SHROOM3: variants seen among roughly 807,000 people sequenced by gnomAD.
The protein encoded by SHROOM3 is protein Shroom3.
A neutral mutation model predicts 138.6 loss-of-function variants in SHROOM3; 47 were observed. The ratio of observed to expected loss-of-function variants is 0.34; its 90% CI spans 0.27 to 0.43. The LOEUF (loss-of-function observed/expected upper bound fraction) is 0.43. Among genes scored for constraint, SHROOM3 ranks in the 20% least tolerant of loss-of-function variants. The probability of loss-of-function intolerance (pLI) is 1.00; values close to 1 mark genes in which losing one functional copy is unlikely to be tolerated. For missense variants in SHROOM3, 2,491 were observed against 2,596.5 expected, an observed-to-expected ratio of 0.96 and a Z score of 0.88; for synonymous variants, 1,062 against 1,063.3, an observed-to-expected ratio of 1.00 and a Z score of 0.02.
At chr4:76,662,905 G>GAGGGAGAGGGAGAGGA (rs1718576533) in intron 2 of SHROOM3, among the ~76,000 whole-genome samples, 1 of 151,810 alleles carries the variant, frequency 6.6e-6, no homozygotes, top group Non-Finnish European at 1.5e-5. Flanking sequence ...GAGAGAGGTA[G>GAGGGAGAGGGAGAGGA]AGGGAGAGGG....
intron 5 of SHROOM3, 170 bp downstream of exon 5, chr4:76,742,096 C>T: frequency 1.2e-6 from 1 of 860,562 alleles, no homozygotes; most frequent in South Asian, 1.4e-5. Context: ...GTGTCCCTTA[C>T]CTGGTTTCCT....
At chr4:76,751,764 T>C (rs926907832) in intron 6 of SHROOM3, among the ~76,000 whole-genome samples, 23 of 152,154 alleles carry the variant, frequency 1.5e-4, no homozygotes, top group Non-Finnish European at 2.4e-4. Context: ...ATGAGATGTT[T>C]ACCTCACACA....
chr4:76,525,552 T>C (rs1732671718), intron 1 of SHROOM3, among the ~76,000 whole-genome samples: 1 of 152,230 alleles, frequency 6.6e-6, no homozygotes. Flanking sequence ...TTAACATGCA[T>C]TGCCCTAATG....
At chr4:76,646,384 C>T (rs1392506036) in intron 2 of SHROOM3, among the ~76,000 whole-genome samples, 1 of 151,612 alleles carries the variant, frequency 6.6e-6, no homozygotes, top group Admixed American at 6.6e-5. Context: ...TATACTTTAC[C>T]ACCTTCCAAT....
chr4:76,753,531 C>T (rs1300695747), intron 6 of SHROOM3, among the ~76,000 whole-genome samples: 1 of 152,224 alleles, frequency 6.6e-6, no homozygotes, highest in African/African-American at 2.4e-5. Flanking sequence ...AGCTTTTTAT[C>T]CTCACATTAA....
rs577240921 is a variant in SHROOM3, at chr4:76,774,616, G to A, written c.5622+3718G>A. On this transcript the variant is annotated intron_variant, in intron 10 of 10. Coordinates refer to ENST00000296043, the MANE Select transcript of SHROOM3 (RefSeq NM_020859.4). ...AATATTTTATATATTTTTTAAGGTA[G>A]GTGATGAAAAAATTCTCAATTTTTT... Among the ~76,000 whole-genome samples the A allele has an allele frequency of 8.7e-4, 131 of 151,440 alleles. 1 individual carries two copies. The highest frequency in any genetic ancestry group is 3.0e-3 in the African/African-American group (125 of 41,334).
At chr4:76,485,280 T>A (rs965957912) in intron 1 of SHROOM3, among the ~76,000 whole-genome samples, 4 of 152,174 alleles carry the variant, frequency 2.6e-5, no homozygotes, top group Non-Finnish European at 5.9e-5. Flanking sequence ...TTGGCTAAAG[T>A]TGATAAGAAG....
Position 76,555,779 on chromosome 4 carries a change from C to A in SHROOM3, c.323+16C>A. The A allele has an allele frequency of 6.2e-7, 1 of 1,609,666 alleles. No individual in the cohort carries two copies. Reference sequence around the variant, plus strand: ...TAGTGCGCAGGTAGGTGGCAGACCCCCACCCTGTCCCTCCTACCACCTCAC... The same window carrying A: ...TAGTGCGCAGGTAGGTGGCAGACCCACACCCTGTCCCTCCTACCACCTCAC... On this transcript the variant is annotated intron_variant, in intron 2 of 10. Coordinates refer to ENST00000296043, the MANE Select transcript of SHROOM3 (RefSeq NM_020859.4).
chr4:76,728,439 T>G (rs942703674), intron 3 of SHROOM3, among the ~76,000 whole-genome samples: 2 of 152,220 alleles, frequency 1.3e-5, no homozygotes, highest in Admixed American at 1.3e-4. Flanking sequence ...AAGATGTGAC[T>G]TGCTGCTCCT....
At chr4:76,627,099 G>A (rs777264049) in intron 2 of SHROOM3, among the ~76,000 whole-genome samples, 2 of 152,122 alleles carry the variant, frequency 1.3e-5, no homozygotes, top group Non-Finnish European at 2.9e-5. Context: ...TATATAGATC[G>A]TGTGTGGCTA....
At chr4:76,505,629 A>G (rs1732193664) in intron 1 of SHROOM3, among the ~76,000 whole-genome samples, 1 of 151,750 alleles carries the variant, frequency 6.6e-6, no homozygotes, top group African/African-American at 2.4e-5. Context: ...ACAACTATTT[A>G]CAAGCATTTA....
At chr4:76,457,284 G>A (rs1420535688) in intron 1 of SHROOM3, among the ~76,000 whole-genome samples, 3 of 152,082 alleles carry the variant, frequency 2.0e-5, no homozygotes, top group Non-Finnish European at 2.9e-5. Flanking sequence ...TAGCGAGTGA[G>A]TGAGCTCTCG....
At position 76,663,231 on chromosome 4, in the gene SHROOM3, C is replaced by G. The variant is rs572536024; in HGVS notation, c.324-46925C>G. Among the ~76,000 whole-genome samples the G allele has an allele frequency of 5.2e-4, 79 of 151,990 alleles. 2 individuals are homozygous for G. The highest frequency in any genetic ancestry group is 7.6e-4 in the Non-Finnish European group (52 of 68,016). On this transcript the variant is annotated intron_variant, in intron 2 of 10. Coordinates refer to ENST00000296043, the MANE Select transcript of SHROOM3 (RefSeq NM_020859.4). ...TTATACTTTGTCAGCTTGAAACCAACTGGGTAGGGAAGGAGCCATTGGGTC... is the reference window on the plus strand; with the variant it reads ...TTATACTTTGTCAGCTTGAAACCAAGTGGGTAGGGAAGGAGCCATTGGGTC...
intron 1 of SHROOM3, among the ~76,000 whole-genome samples, chr4:76,470,062 C>T (rs1299826837): frequency 1.3e-5 from 2 of 152,110 alleles, no homozygotes; most frequent in East Asian, 1.9e-4. Flanking sequence ...TTAATATATG[C>T]CCAAGCTTAA....
intron 2 of SHROOM3, among the ~76,000 whole-genome samples, chr4:76,650,519 ATATTTATTTATT>A (rs3045185): frequency 0.23 from 33,367 of 145,410 alleles, 4,136 homozygotes; most frequent in East Asian, 0.35. Flanking sequence ...TTTTTTAAGT[ATATTTATTTATT>A]TATTTATTTA....
In SHROOM3 at chr4:76,462,331, T is replaced by C. The variant is rs6855097; in HGVS notation, c.168+26111T>C. ...AGGTTGGAGTGAGCTGAGATCATGC[T>C]GCTGCACTCTAGCCTGGGTGACAGA... On this transcript the variant is annotated intron_variant, in intron 1 of 10. Transcript: ENST00000296043. Among the ~76,000 whole-genome samples, 351 of 152,034 alleles carry C rather than the reference T, an allele frequency of 2.3e-3. 5 individuals carry two copies. The East Asian group carries it at 0.041, about 18-fold the overall frequency.
chr4:76,644,255 C>CTT (rs757146332), intron 2 of SHROOM3: 1,427 of 139,252 alleles, frequency 0.01, 19 homozygotes, highest in African/African-American at 0.036. Context: ...TTTTCTTTTT[C>CTT]TTTTTTTTTT....
chr4:76,684,974 T>C (rs1407077741), intron 2 of SHROOM3, among the ~76,000 whole-genome samples: 1 of 152,206 alleles, frequency 6.6e-6, no homozygotes, highest in Non-Finnish European at 1.5e-5. Flanking sequence ...TGTTCACTTG[T>C]TTTTCATTTT....
intron 1 of SHROOM3, among the ~76,000 whole-genome samples, chr4:76,520,989 C>T (rs777580730): frequency 3.9e-5 from 6 of 152,154 alleles, no homozygotes; most frequent in Non-Finnish European, 7.3e-5. Flanking sequence ...GTTGTGGTAA[C>T]GAGGGAATAC....
Sources: allele counts gnomAD v4.1 joint callset (sites outside exome capture counted in the v4.1 genomes callset), GRCh38; gene constraint gnomAD v4.1.1; transcripts MANE v1.5; gene names NCBI Gene and HGNC (gene_info 2026-07-23, HGNC 2026-07-21).